SLC35F1: variants seen among roughly 807,000 people sequenced by gnomAD.
The protein encoded by SLC35F1 is solute carrier family 35 member F1.
SLC35F1 carries 14 observed loss-of-function variants against 48.7 expected under a neutral mutation model. The observed-to-expected ratio is 0.29, with a 90% CI of 0.19 to 0.45. The LOEUF (loss-of-function observed/expected upper bound fraction) is 0.45, where lower values mean the gene tolerates loss of function less well. SLC35F1 is among the 20% of genes least tolerant of loss of function. SLC35F1 has a pLI of 1.00. For synonymous variants in SLC35F1, 190 were observed against 202.2 expected (o/e 0.94, Z 0.51); for missense variants, 404 against 500.0 (o/e 0.81, Z 1.83).
At chr6:118,087,142 G>A (rs1366227736) in intron 1 of SLC35F1, among the ~76,000 whole-genome samples, 5 of 152,126 alleles carry the variant, frequency 3.3e-5, no homozygotes, top group African/African-American at 1.2e-4. Flanking sequence ...GAGGGTAGAA[G>A]TTCTAGATCC....
intron 1 of SLC35F1, among the ~76,000 whole-genome samples, chr6:118,084,905 T>C (rs1772964325): frequency 1.3e-5 from 2 of 152,128 alleles, no homozygotes; most frequent in Non-Finnish European, 2.9e-5. Context: ...CCTGGTTCTG[T>C]GGGTAGCCTT....
At chr6:118,289,479 G>A (rs13199882) in intron 7 of SLC35F1, among the ~76,000 whole-genome samples, 6,789 of 152,242 alleles carry the variant, frequency 0.045, 235 homozygotes, top group South Asian at 0.094. Flanking sequence ...TCCATTGTAA[G>A]AAAGTCAGAA....
intron 1 of SLC35F1, among the ~76,000 whole-genome samples, chr6:118,015,259 G>A (rs769448484): frequency 2.0e-5 from 3 of 152,050 alleles, no homozygotes; most frequent in Non-Finnish European, 4.4e-5. Context: ...ATACACTTAG[G>A]AGCTGGTCTT....
intron 1 of SLC35F1, among the ~76,000 whole-genome samples, chr6:117,938,588 C>T (rs1489792880): frequency 6.6e-6 from 1 of 152,206 alleles, no homozygotes; most frequent in Admixed American, 6.5e-5. Flanking sequence ...GTCACTAAGG[C>T]TCCTGAGAAG....
intron 2 of SLC35F1, among the ~76,000 whole-genome samples, chr6:118,206,766 CCA>C (rs1484974324): frequency 6.6e-6 from 1 of 152,082 alleles, no homozygotes; most frequent in East Asian, 1.9e-4. Context: ...TATCTTCTGT[CCA>C]TCACAGGGAA....
intron 1 of SLC35F1, among the ~76,000 whole-genome samples, chr6:117,943,347 G>A (rs1776256175): frequency 6.6e-6 from 1 of 152,122 alleles, no homozygotes; most frequent in Non-Finnish European, 1.5e-5. Context: ...TCGGAATTTA[G>A]GCAGGTGACA....
At chr6:118,141,290 A>G (rs1014191704) in intron 1 of SLC35F1, among the ~76,000 whole-genome samples, 10 of 152,220 alleles carry the variant, frequency 6.6e-5, no homozygotes, top group Non-Finnish European at 1.5e-4. Context: ...TTGTGTTACA[A>G]CTGCATACAG....
At chr6:118,147,500 G>A (rs1773991725) in intron 1 of SLC35F1, among the ~76,000 whole-genome samples, 2 of 152,122 alleles carry the variant, frequency 1.3e-5, no homozygotes, top group African/African-American at 4.8e-5. Context: ...GATGAATATT[G>A]AAAGGGAGCA....
intron 1 of SLC35F1, among the ~76,000 whole-genome samples, chr6:117,994,738 T>C (rs1776962741): frequency 6.6e-6 from 1 of 152,216 alleles, no homozygotes; most frequent in South Asian, 2.1e-4. Flanking sequence ...GGAATGTCTG[T>C]CCACTGACAT....
intron 7 of SLC35F1, among the ~76,000 whole-genome samples, chr6:118,299,772 G>C (rs367948158): frequency 6.6e-6 from 1 of 152,168 alleles, no homozygotes; most frequent in East Asian, 1.9e-4. Flanking sequence ...ATGTCAGTTA[G>C]AGGTCAGTGA....
intron 5 of SLC35F1, 67 bp from the exon 6 acceptor site, chr6:118,277,427 A>G (rs1447145397): frequency 9.9e-6 from 13 of 1,318,308 alleles, no homozygotes; most frequent in Non-Finnish European, 1.4e-5. Flanking sequence ...GGGGGGGAAA[A>G]AAGAAAGAAA....
intron 2 of SLC35F1, among the ~76,000 whole-genome samples, chr6:118,223,766 A>T (rs1775181337): frequency 6.6e-6 from 1 of 152,180 alleles, no homozygotes; most frequent in Non-Finnish European, 1.5e-5. Flanking sequence ...GTTCTAACCT[A>T]TGTGTCCACC....
intron 2 of SLC35F1, among the ~76,000 whole-genome samples, chr6:118,232,972 G>GTT (rs72399657): frequency 5.4e-4 from 79 of 147,350 alleles, no homozygotes; most frequent in East Asian, 6.0e-4. Flanking sequence ...GACTTTTCTG[G>GTT]TTTTTTTTTT....
At chr6:118,195,603 G>A (rs116595347) in intron 2 of SLC35F1, among the ~76,000 whole-genome samples, 1 of 152,140 alleles carries the variant, frequency 6.6e-6, no homozygotes, top group South Asian at 2.1e-4. Flanking sequence ...TACAACCCCT[G>A]CAATATTATC....
intron 1 of SLC35F1, among the ~76,000 whole-genome samples, chr6:118,022,231 G>A (rs1174773050): frequency 6.6e-6 from 1 of 152,166 alleles, no homozygotes; most frequent in Admixed American, 6.6e-5. Flanking sequence ...TGGTGATCGG[G>A]AAGAAAATTT....
chr6:118,075,875 C>A (rs1195458065), intron 1 of SLC35F1, among the ~76,000 whole-genome samples: 1 of 152,142 alleles, frequency 6.6e-6, no homozygotes, highest in Non-Finnish European at 1.5e-5. Context: ...TGTTCTTTTA[C>A]AATTTAAGAA....
intron 1 of SLC35F1, among the ~76,000 whole-genome samples, chr6:118,022,747 A>T (rs1377805708): frequency 1.7e-5 from 2 of 120,628 alleles, no homozygotes; most frequent in Non-Finnish European, 3.4e-5. Context: ...AGCTTGGACA[A>T]TTTTTTTTTT....
chr6:118,159,220 CAAAAAAA>C (rs60060945), intron 2 of SLC35F1, among the ~76,000 whole-genome samples: 2 of 43,844 alleles, frequency 4.6e-5, no homozygotes, highest in Admixed American at 3.9e-4. Context: ...GACTCTGTCT[CAAAAAAA>C]AAAAAAAAAA....
In SLC35F1 at chr6:118,314,530, A is replaced by T. The variant is rs1254837192; in HGVS notation, c.*278A>T. On this transcript the variant is annotated 3_prime_UTR_variant, in exon 8 of 8. Coordinates refer to ENST00000360388, the MANE Select transcript of SLC35F1 (RefSeq NM_001029858.4). ...GAAAATTTTTGAATCAAAAGCAAGT[A>T]TTATTGTTATTATGATTTGTATTAT... 3 of 427,366 alleles carry T rather than the reference A, an allele frequency of 7.0e-6. No individual in the cohort carries two copies. Among genetic ancestry groups the T allele is most frequent in the East Asian group, 7.5e-5 (2 of 26,528 alleles). The allele number at this position is 427,366 out of a possible 1,614,324, so 26.5% of individuals were successfully genotyped here. A position where few individuals can be genotyped will look rare whatever the true frequency, so the allele number is the denominator to read the frequency against.
Sources: allele counts gnomAD v4.1 joint callset (sites outside exome capture counted in the v4.1 genomes callset), GRCh38; gene constraint gnomAD v4.1.1; transcripts MANE v1.5; gene names NCBI Gene and HGNC (gene_info 2026-07-23, HGNC 2026-07-21).